Variants in GPHN observed in about 807,000 individuals in gnomAD.
GPHN encodes the protein gephyrin.
A neutral mutation model predicts 95.5 loss-of-function variants in GPHN; 17 were observed. That is an observed-to-expected ratio of 0.18 (90% CI 0.12 to 0.27). The LOEUF is 0.27. Among genes scored for constraint, GPHN ranks in the 10% least tolerant of loss-of-function variants. The probability of loss-of-function intolerance (pLI) is 1.00; values close to 1 mark genes in which losing one functional copy is unlikely to be tolerated. For synonymous variants in GPHN, 320 were observed against 322.5 expected (o/e 0.99, Z 0.08); for missense variants, 660 against 978.1 (o/e 0.67, Z 4.34).
chr14:67,589,431 TA>T, the GPHN span: 170 of 975,386 alleles, frequency 1.7e-4, no homozygotes, highest in African/African-American at 1.9e-3. Context: ...TGAACTGATA[TA>T]AAAAAAAATG....
intron 4 of GPHN, among the ~76,000 whole-genome samples, chr14:66,863,790 CT>C (rs1394543509): frequency 6.6e-6 from 1 of 152,110 alleles, no homozygotes; most frequent in Non-Finnish European, 1.5e-5. Context: ...AACTAGACCC[CT>C]ATCTCTTGCC....
At chr14:66,712,596 A>C (rs1043429727) in intron 2 of GPHN, among the ~76,000 whole-genome samples, 7 of 152,022 alleles carry the variant, frequency 4.6e-5, no homozygotes, top group African/African-American at 1.7e-4. Context: ...TTGCCTGTTC[A>C]CTCTGATGGT....
chr14:66,785,737 A>C (rs72728648), intron 3 of GPHN, among the ~76,000 whole-genome samples: 9,387 of 150,502 alleles, frequency 0.062, 400 homozygotes, highest in Non-Finnish European at 0.093. Flanking sequence ...AACAAACAAA[A>C]AAAAAAAACA....
chr14:67,204,807 G>A, the GPHN span: 15 of 1,613,940 alleles, frequency 9.3e-6, no homozygotes, highest in South Asian at 5.5e-5. Flanking sequence ...ATGTCACCAC[G>A]TTCACAGCCA....
At chr14:67,228,257 T>A in the GPHN span, 1 of 193,560 alleles carries the variant, frequency 5.2e-6, no homozygotes. Flanking sequence ...AGGATCTTTA[T>A]TTTTTATATC....
At chr14:67,095,966 C>CAAAAAAAAAAAAAAAAAAA in intron 12 of GPHN, among the ~76,000 whole-genome samples, 1 of 67,086 alleles carries the variant, frequency 1.5e-5, no homozygotes. Flanking sequence ...AAGAAAAAGG[C>CAAAAAAAAAAAAAAAAAAA]AAAAAAAAAA....
chr14:66,801,874 C>T (rs1468289739), intron 3 of GPHN, among the ~76,000 whole-genome samples: 16 of 152,018 alleles, frequency 1.1e-4, no homozygotes, highest in Admixed American at 9.8e-4. Context: ...CACAAGCACC[C>T]TTGTGGCCAC....
intron 3 of GPHN, among the ~76,000 whole-genome samples, chr14:66,809,803 G>A (rs187750435): frequency 1.3e-5 from 2 of 152,078 alleles, no homozygotes; most frequent in African/African-American, 2.4e-5. Flanking sequence ...CAGAGGATTC[G>A]TGGAAGAAAT....
At chr14:67,199,433 G>A in the GPHN span, 9 of 1,613,156 alleles carry the variant, frequency 5.6e-6, no homozygotes, top group Non-Finnish European at 7.6e-6. Flanking sequence ...CGCCTTTGGG[G>A]TCATCTTACA....
At chr14:67,126,865 G>A (rs2079351363) in intron 17 of GPHN, among the ~76,000 whole-genome samples, 2 of 151,640 alleles carry the variant, frequency 1.3e-5, no homozygotes, top group South Asian at 2.1e-4. Flanking sequence ...AACAATGATA[G>A]ACTGGATTAA....
At chr14:66,767,191 C>G (rs148832269) in intron 2 of GPHN, among the ~76,000 whole-genome samples, 143 of 152,040 alleles carry the variant, frequency 9.4e-4, no homozygotes, top group African/African-American at 3.3e-3. Flanking sequence ...GTATATAAGA[C>G]TAAAGACTTG....
intron 2 of GPHN, among the ~76,000 whole-genome samples, chr14:66,701,445 C>A (rs553257291): frequency 6.6e-6 from 1 of 152,224 alleles, no homozygotes; most frequent in South Asian, 2.1e-4. Flanking sequence ...GTGTGTGAAA[C>A]CTTCACCTGC....
rs1421893686 is a variant in GPHN, at chr14:67,144,286, T to TATATATATATATAC, written c.1836+838_1836+839insTATATATATATACA. Among the ~76,000 whole-genome samples the TATATATATATATAC allele has an allele frequency of 2.5e-3, 197 of 78,112 alleles. 21 individuals carry two copies. Among genetic ancestry groups the TATATATATATATAC allele is most frequent in the African/African-American group, 0.012 (186 of 15,664 alleles). 51.2% of individuals were successfully genotyped at this position (78,112 alleles called of 152,430 possible). A position where few individuals can be genotyped will look rare whatever the true frequency, so the allele number is the denominator to read the frequency against. ...ATATATATATATATATATATATATATACACACACACATACACAAATATTTT... is the reference window on the plus strand; with the variant it reads ...ATATATATATATATATATATATATATATATATATATATACACACACACACATACACAAATATTTT... On this transcript the variant is annotated intron_variant, in intron 18 of 22. Coordinates refer to ENST00000478722, the MANE Select transcript of GPHN (RefSeq NM_020806.5).
intron 2 of GPHN, among the ~76,000 whole-genome samples, chr14:66,692,106 C>A (rs534638009): frequency 1.3e-5 from 2 of 152,198 alleles, no homozygotes; most frequent in African/African-American, 4.8e-5. Context: ...TTTGCAGATG[C>A]AAATAGGTTA....
At chr14:67,106,742 G>C (rs541510168) in intron 13 of GPHN, among the ~76,000 whole-genome samples, 1 of 150,978 alleles carries the variant, frequency 6.6e-6, no homozygotes, top group African/African-American at 2.5e-5. Flanking sequence ...GCTAGGTTTT[G>C]TTTTTGTTTT....
chr14:67,077,067 T>C (rs1281307144), intron 11 of GPHN, among the ~76,000 whole-genome samples: 1 of 152,188 alleles, frequency 6.6e-6, no homozygotes, highest in Non-Finnish European at 1.5e-5. Flanking sequence ...TCAGTTCTTC[T>C]AACATCTTAA....
intron 1 of GPHN, among the ~76,000 whole-genome samples, chr14:66,531,442 A>G (rs532872564): frequency 1.3e-5 from 2 of 152,258 alleles, no homozygotes; most frequent in African/African-American, 4.8e-5. Context: ...TCTCAAAACA[A>G]ACAAACAAAA....
chr14:67,569,028 C>A, the GPHN span: 1 of 657,104 alleles, frequency 1.5e-6, no homozygotes, highest in South Asian at 1.9e-5. Context: ...CAGTCACTGC[C>A]CCCCACAGGT....
intron 9 of GPHN, among the ~76,000 whole-genome samples, chr14:66,972,459 G>T (rs2069873631): frequency 6.6e-6 from 1 of 151,738 alleles, no homozygotes; most frequent in Non-Finnish European, 1.5e-5. Context: ...ATGGTATTCT[G>T]TATTAAAAAC....
Sources: allele counts gnomAD v4.1 joint callset (sites outside exome capture counted in the v4.1 genomes callset), GRCh38; gene constraint gnomAD v4.1.1; transcripts MANE v1.5; gene names NCBI Gene and HGNC (gene_info 2026-07-23, HGNC 2026-07-21).